The following NF2 variants were observed in gnomAD, a reference collection of about 807,000 sequenced individuals.
NF2 encodes NF2, moesin-ezrin-radixin like (MERLIN) tumor suppressor.
A neutral mutation model predicts 83.7 loss-of-function variants in NF2; 8 were observed. That is an observed-to-expected ratio of 0.10 (90% confidence interval 0.06 to 0.17). NF2 has a LOEUF of 0.17. Among genes scored for constraint, NF2 ranks in the 10% least tolerant of loss-of-function variants. The probability of loss-of-function intolerance (pLI) is 1.00; values close to 1 mark genes in which losing one functional copy is unlikely to be tolerated. For synonymous variants in NF2, 266 were observed against 269.6 expected (o/e 0.99, Z 0.13); for missense variants, 533 against 744.4 (o/e 0.72, Z 3.31).
intron 4 of NF2, among the ~76,000 whole-genome samples, chr22:29,647,437 G>A (rs977761980): frequency 3.9e-5 from 6 of 152,202 alleles, no homozygotes; most frequent in South Asian, 2.1e-4. Flanking sequence ...TGTAGGCGAT[G>A]CAGTGAAGGG....
At chr22:29,651,007 T>C (rs1022250569) in intron 4 of NF2, among the ~76,000 whole-genome samples, 1 of 152,254 alleles carries the variant, frequency 6.6e-6, no homozygotes, top group Non-Finnish European at 1.5e-5. Flanking sequence ...CTTTGTATGT[T>C]TTGAGTGACT....
chr22:29,625,905 G>T (rs2065354692), intron 1 of NF2, among the ~76,000 whole-genome samples: 1 of 152,148 alleles, frequency 6.6e-6, no homozygotes, highest in African/African-American at 2.4e-5. Context: ...GAGTTATGTT[G>T]CTTATAGCTT....
chr22:29,694,923 A>G lies in NF2; in HGVS notation c.*121A>G, dbSNP rs2067506283. ...TGGGGGTTTCCGTGGGAGCTCCAGA[A>G]CTTTCCCCAGCTGAGTGAAGAGCCC... On this transcript the variant is annotated 3_prime_UTR_variant, in exon 16 of 16. Coordinates refer to ENST00000338641, the MANE Select transcript of NF2 (RefSeq NM_000268.4). The surrounding 1 kb of genome is among the most constrained non-coding windows in gnomAD (Gnocchi z 4.1). The G allele has an allele frequency of 3.9e-6, 4 of 1,028,798 alleles. No individual in the cohort carries two copies. Among genetic ancestry groups the G allele is most frequent in the Non-Finnish European group, 5.9e-6 (4 of 674,888 alleles). 63.7% of individuals were successfully genotyped at this position (1,028,798 alleles called of 1,614,324 possible).
chr22:29,663,876 A>G (rs1440654188), intron 8 of NF2, among the ~76,000 whole-genome samples: 2 of 152,174 alleles, frequency 1.3e-5, no homozygotes, highest in Non-Finnish European at 2.9e-5. Context: ...AGCAGCAGCC[A>G]TTTGTTCCTT....
intron 1 of NF2, among the ~76,000 whole-genome samples, chr22:29,613,479 C>T (rs1008655035): frequency 2.0e-5 from 3 of 151,942 alleles, no homozygotes; most frequent in African/African-American, 4.8e-5. Flanking sequence ...TGCAGTGAGT[C>T]GAGATCGTGC....
chr22:29,639,048 T>A (rs2146868660), intron 2 of NF2, 42 bp from the exon 3 acceptor site: 1 of 1,614,154 alleles, frequency 6.2e-7, no homozygotes, highest in Non-Finnish European at 8.5e-7. Context: ...CAGGAGGAAG[T>A]GCCAATATAG....
At chr22:29,641,740 G>A (rs1369204942) in intron 3 of NF2, among the ~76,000 whole-genome samples, 1 of 152,172 alleles carries the variant, frequency 6.6e-6, no homozygotes, top group Non-Finnish European at 1.5e-5. Flanking sequence ...AGAGCAGCAC[G>A]TTGAGAGTGA....
At chr22:29,690,326 T>C (rs2067372322) in intron 15 of NF2, among the ~76,000 whole-genome samples, 2 of 152,126 alleles carry the variant, frequency 1.3e-5, no homozygotes, top group Admixed American at 1.3e-4. Flanking sequence ...TTAGATTGGG[T>C]GGATGTGTCT....
intron 4 of NF2, among the ~76,000 whole-genome samples, chr22:29,645,461 C>T (rs2065956899): frequency 6.6e-6 from 1 of 152,110 alleles, no homozygotes; most frequent in South Asian, 2.1e-4. Flanking sequence ...AAAATGGGCC[C>T]TCATTCAACT....
Position 29,694,945 on chromosome 22 carries a change from GC to G in NF2, c.*146del. On this transcript the variant is annotated 3_prime_UTR_variant, in exon 16 of 16. Coordinates refer to ENST00000338641, the MANE Select transcript of NF2 (RefSeq NM_000268.4). This position sits in a 1 kb window ranked among gnomAD's most constrained non-coding sequence, Gnocchi z 4.1. The stretch of plus-strand genomic sequence containing the variant: ...AGAACTTTCCCCAGCTGAGTGAAGA[GC>G]CCAGCCCCTCTTATGTGCAATTGCC... 1.2e-6 allele frequency: 1 copy of G among 814,518 alleles called. No individual in the cohort carries two copies. 50.5% of individuals were successfully genotyped at this position (814,518 alleles called of 1,614,324 possible).
chr22:29,639,586 C>G (rs1317353055), intron 3 of NF2, among the ~76,000 whole-genome samples: 1 of 152,100 alleles, frequency 6.6e-6, no homozygotes, highest in Middle Eastern at 3.2e-3. Flanking sequence ...AAAATCTGCT[C>G]TCATTAAGAG....
chr22:29,641,424 A>G (rs1436467796), intron 3 of NF2, among the ~76,000 whole-genome samples: 1 of 152,158 alleles, frequency 6.6e-6, no homozygotes, highest in Non-Finnish European at 1.5e-5. Context: ...GATTTTCCCC[A>G]TACTGAAATG....
chr22:29,697,724 G>A lies in NF2; in HGVS notation c.*2922G>A, dbSNP rs112930471. ...TGGGATTACAGGCACGCACCTCCACGTCCGGCTAATTTTGTATTTTTAGTG... is the reference window on the plus strand; with the variant it reads ...TGGGATTACAGGCACGCACCTCCACATCCGGCTAATTTTGTATTTTTAGTG... On this transcript the variant is annotated 3_prime_UTR_variant, in exon 16 of 16. Coordinates refer to ENST00000338641, the MANE Select transcript of NF2 (RefSeq NM_000268.4). 2,249 of 175,138 alleles carry A rather than the reference G, an allele frequency of 0.013. 24 individuals are homozygous for A. Among genetic ancestry groups the A allele is most frequent in the Middle Eastern group, 0.059 (27 of 454 alleles). 10.8% of individuals were successfully genotyped at this position (175,138 alleles called of 1,614,324 possible).
intron 1 of NF2, among the ~76,000 whole-genome samples, chr22:29,631,117 A>G (rs1211339242): frequency 2.6e-5 from 4 of 152,208 alleles, no homozygotes; most frequent in Admixed American, 1.3e-4. Flanking sequence ...ACTGGGCTGA[A>G]GCTGCATATT....
chr22:29,629,925 A>G (rs2065464209), intron 1 of NF2, among the ~76,000 whole-genome samples: 3 of 152,202 alleles, frequency 2.0e-5, no homozygotes, highest in Admixed American at 1.3e-4. Context: ...CATTTCATAT[A>G]TAGTAGCCAA....
intron 15 of NF2, among the ~76,000 whole-genome samples, chr22:29,685,314 C>T (rs192591985): frequency 1.5e-3 from 228 of 151,704 alleles, no homozygotes; most frequent in African/African-American, 5.3e-3. Flanking sequence ...CGCCATGTTG[C>T]CCAGGCTGGT....
At chr22:29,672,042 G>A (rs527578474) in intron 11 of NF2, 94 bp downstream of exon 11, 118 of 1,574,648 alleles carry the variant, frequency 7.5e-5, no homozygotes, top group South Asian at 7.1e-4. Flanking sequence ...AGTTAGCAGC[G>A]TTTGCTTTGA....
chr22:29,696,766 G>A lies in NF2; in HGVS notation c.*1964G>A, dbSNP rs567737516. 23 of 208,986 alleles carry A rather than the reference G, an allele frequency of 1.1e-4. No homozygotes were observed. Among genetic ancestry groups the A allele is most frequent in the Admixed American group, 3.0e-4 (5 of 16,930 alleles). The allele number at this position is 208,986 out of a possible 1,614,324, so 12.9% of individuals were successfully genotyped here. ...CCAGGAGCGGAAGCTTCAGGCGTTT[G>A]TAAAGTGAGGTCTGGCTCTGCCTCC... On this transcript the variant is annotated 3_prime_UTR_variant, in exon 16 of 16. Transcript: ENST00000338641.
chr22:29,683,352 G>T, intron 15 of NF2: 1 of 1,385,914 alleles, frequency 7.2e-7, no homozygotes, highest in Non-Finnish European at 9.4e-7. Context: ...GGCTGGGGAA[G>T]GTTATGGCTT....
Sources: gnomAD v4.1 joint callset for allele counts (sites outside exome capture counted in the v4.1 genomes callset) on GRCh38, gnomAD v4.1.1 for gene constraint, Gnocchi (gnomAD v3.1) non-coding constraint, MANE v1.5 for transcripts, NCBI Gene and HGNC (gene_info 2026-07-23, HGNC 2026-07-21) for gene names.